The following DYNC1I1 variants were observed in gnomAD, a reference collection of about 807,000 sequenced individuals.
DYNC1I1 encodes the protein dynein cytoplasmic 1 intermediate chain 1.
In DYNC1I1, 43 loss-of-function variants were observed where a neutral mutation model predicts 86.6. The ratio of observed to expected loss-of-function variants is 0.50; its 90% CI spans 0.39 to 0.64. The LOEUF (loss-of-function observed/expected upper bound fraction) is 0.64, where lower values mean the gene tolerates loss of function less well. DYNC1I1 is among the 30% of genes least tolerant of loss of function. The pLI, the probability that DYNC1I1 is intolerant of heterozygous loss-of-function variation, is 0.00. For synonymous variants in DYNC1I1, 262 were observed against 283.7 expected (o/e 0.92, Z 0.77); for missense variants, 604 against 788.8 (o/e 0.77, Z 2.81).
At chr7:95,794,757 G>C (rs764094622) in intron 1 of DYNC1I1, among the ~76,000 whole-genome samples, 10 of 152,148 alleles carry the variant, frequency 6.6e-5, no homozygotes, top group Non-Finnish European at 1.0e-4. Flanking sequence ...AATAGGACTA[G>C]AGACAATATG....
At chr7:95,982,123 C>A (rs985014460) in intron 7 of DYNC1I1, among the ~76,000 whole-genome samples, 11 of 152,166 alleles carry the variant, frequency 7.2e-5, no homozygotes, top group African/African-American at 2.6e-4. Flanking sequence ...ATTTAAAGAT[C>A]TTTGAGTATG....
chr7:95,967,621 C>T (rs538923442), intron 6 of DYNC1I1, among the ~76,000 whole-genome samples: 1 of 152,286 alleles, frequency 6.6e-6, no homozygotes, highest in South Asian at 2.1e-4. Context: ...GTGATTGCAG[C>T]TCTCTAACCT....
intron 6 of DYNC1I1, among the ~76,000 whole-genome samples, chr7:95,908,556 C>G (rs1241938234): frequency 6.6e-6 from 1 of 152,096 alleles, no homozygotes; most frequent in African/African-American, 2.4e-5. Context: ...CTCTTCAACT[C>G]TGATTTCCTG....
intron 4 of DYNC1I1, among the ~76,000 whole-genome samples, chr7:95,817,545 A>AT (rs1352056965): frequency 6.6e-6 from 1 of 152,076 alleles, no homozygotes; most frequent in Non-Finnish European, 1.5e-5. Flanking sequence ...AATTATTATA[A>AT]TTTTTTCATA....
intron 6 of DYNC1I1, among the ~76,000 whole-genome samples, chr7:95,886,202 G>A (rs992259712): frequency 7.2e-5 from 11 of 152,154 alleles, no homozygotes; most frequent in African/African-American, 9.7e-5. Context: ...TTGGGAGGCC[G>A]AGGCAGGCAG....
At position 95,865,326 on chromosome 7, in the gene DYNC1I1, G is replaced by T. The variant is rs147058527; in HGVS notation, c.375-4557G>T. On this transcript the variant is annotated intron_variant, in intron 5 of 16. Transcript: ENST00000447467. ...TTACCAAGGTGAAAATACACCACAT[G>T]ATTTTAAAATGATGCCGTGTCAACC... Among the ~76,000 whole-genome samples the T allele has an allele frequency of 2.8e-3, 426 of 152,276 alleles. 2 individuals are homozygous for T. Among genetic ancestry groups the T allele is most frequent in the African/African-American group, 9.9e-3 (410 of 41,556 alleles).
At chr7:95,967,959 A>G (rs1449199729) in intron 6 of DYNC1I1, among the ~76,000 whole-genome samples, 1 of 152,174 alleles carries the variant, frequency 6.6e-6, no homozygotes, top group African/African-American at 2.4e-5. Flanking sequence ...CAGGAAGCAC[A>G]TATTGGGGCC....
chr7:96,048,141 A>T (rs1280615934), intron 14 of DYNC1I1, among the ~76,000 whole-genome samples: 1 of 152,174 alleles, frequency 6.6e-6, no homozygotes, highest in African/African-American at 2.4e-5. Flanking sequence ...GTCCTGTAAG[A>T]GATGGGACAG....
rs149170157 is a variant in DYNC1I1 at position 95,982,039 on chromosome 7, T to C, written c.581-2776T>C. ...AATATGATGCCTGGAGAGGTTTTTA[T>C]CTCTGAATACACCTTTTGGTTGTGG... On this transcript the variant is annotated intron_variant, in intron 7 of 16. Transcript: ENST00000447467. 3.9e-3 allele frequency among the ~76,000 whole-genome samples: 600 copies of C among 152,292 alleles called. 2 individuals are homozygous for C. The highest frequency in any genetic ancestry group is 0.014 in the African/African-American group (565 of 41,586).
intron 6 of DYNC1I1, among the ~76,000 whole-genome samples, chr7:95,918,816 C>T (rs1791536514): frequency 6.6e-6 from 1 of 152,180 alleles, no homozygotes; most frequent in Non-Finnish European, 1.5e-5. Context: ...CCATGCCCCC[C>T]ATTATTTTCC....
chr7:95,831,310 T>G (rs2115943500), intron 5 of DYNC1I1, among the ~76,000 whole-genome samples: 1 of 152,254 alleles, frequency 6.6e-6, no homozygotes, highest in South Asian at 2.1e-4. Flanking sequence ...ATTTTAATAT[T>G]TGGTAGAACA....
At chr7:96,058,119 C>T (rs1487411476) in intron 14 of DYNC1I1, among the ~76,000 whole-genome samples, 1 of 152,114 alleles carries the variant, frequency 6.6e-6, no homozygotes, top group South Asian at 2.1e-4. Context: ...GCAAGAATAA[C>T]AGCACAAATA....
chr7:95,984,314 C>T (rs1406678891), intron 7 of DYNC1I1, among the ~76,000 whole-genome samples: 1 of 151,910 alleles, frequency 6.6e-6, no homozygotes, highest in Non-Finnish European at 1.5e-5. Context: ...TCAGCCTTAC[C>T]AACTAACCAT....
At chr7:96,003,939 G>C (rs1184657220) in intron 10 of DYNC1I1, among the ~76,000 whole-genome samples, 1 of 152,184 alleles carries the variant, frequency 6.6e-6, no homozygotes, top group Non-Finnish European at 1.5e-5. Context: ...ATTGTTGGAT[G>C]AATGGGGCTT....
chr7:95,961,247 C>T (rs1353121859), intron 6 of DYNC1I1, among the ~76,000 whole-genome samples: 1 of 152,092 alleles, frequency 6.6e-6, no homozygotes, highest in African/African-American at 2.4e-5. Flanking sequence ...GAGAGAGAGT[C>T]AGCAGGTCTG....
intron 1 of DYNC1I1, among the ~76,000 whole-genome samples, chr7:95,795,029 A>C (rs189724804): frequency 6.6e-6 from 1 of 152,146 alleles, no homozygotes; most frequent in Admixed American, 6.5e-5. Flanking sequence ...ACTACCCAGT[A>C]TTGGCTTTGA....
chr7:95,964,759 G>A (rs1252667732), intron 6 of DYNC1I1, among the ~76,000 whole-genome samples: 1 of 152,208 alleles, frequency 6.6e-6, no homozygotes, highest in African/African-American at 2.4e-5. Flanking sequence ...ATGGATGGTG[G>A]TATGTTGCTA....
chr7:96,041,655 G>A (rs1013411556), intron 14 of DYNC1I1, among the ~76,000 whole-genome samples: 9 of 152,196 alleles, frequency 5.9e-5, no homozygotes, highest in African/African-American at 2.2e-4. Flanking sequence ...AAAAAATGAA[G>A]AAGACTTCTA....
chr7:96,010,668 C>G (rs1223724455), intron 10 of DYNC1I1, among the ~76,000 whole-genome samples: 1 of 152,120 alleles, frequency 6.6e-6, no homozygotes, highest in Non-Finnish European at 1.5e-5. Flanking sequence ...ATATAAGAAT[C>G]AATGGCAACT....
Sources: allele counts gnomAD v4.1 joint callset (sites outside exome capture counted in the v4.1 genomes callset), GRCh38; gene constraint gnomAD v4.1.1; transcripts MANE v1.5; gene names NCBI Gene and HGNC (gene_info 2026-07-23, HGNC 2026-07-21).